DSCAM: variants seen among roughly 807,000 people sequenced by gnomAD.
DSCAM encodes the protein DS cell adhesion molecule, also known as cell adhesion molecule DSCAM.
Under a neutral mutation model 217.7 loss-of-function variants are expected in DSCAM, and 47 were observed. The observed-to-expected ratio is 0.22, with a 90% CI of 0.17 to 0.28. The LOEUF is 0.28. DSCAM is among the 10% of genes least tolerant of loss of function. DSCAM has a pLI of 1.00. For synonymous variants in DSCAM, 1,056 were observed against 1,015.3 expected, an observed-to-expected ratio of 1.04 and a Z score of -0.76; for missense variants, 2,080 against 2,618.3, an observed-to-expected ratio of 0.79 and a Z score of 4.49.
chr21:40,464,444 C>T (rs543785890), intron 3 of DSCAM, among the ~76,000 whole-genome samples: 5 of 152,244 alleles, frequency 3.3e-5, no homozygotes, highest in African/African-American at 1.2e-4. Flanking sequence ...GTAAGGTTCC[C>T]AAAGCTGAGC....
intron 11 of DSCAM, among the ~76,000 whole-genome samples, chr21:40,248,570 G>T (rs1263289203): frequency 6.6e-6 from 1 of 152,170 alleles, no homozygotes. Flanking sequence ...GACCACCTCA[G>T]CCTGACGTTA....
chr21:40,656,779 G>A (rs576793555), intron 3 of DSCAM, among the ~76,000 whole-genome samples: 25 of 152,292 alleles, frequency 1.6e-4, no homozygotes, highest in African/African-American at 5.1e-4. Context: ...GGCCAATGGC[G>A]AGGAAAGCAA....
At chr21:40,375,838 T>A (rs1601596574) in intron 3 of DSCAM, among the ~76,000 whole-genome samples, 3 of 152,320 alleles carry the variant, frequency 2.0e-5, no homozygotes, top group Admixed American at 6.5e-5. Flanking sequence ...CTAAAGTACC[T>A]TTTTTTAGAT....
chr21:40,438,643 C>G (rs2075604468), intron 3 of DSCAM, among the ~76,000 whole-genome samples: 2 of 152,134 alleles, frequency 1.3e-5, no homozygotes, highest in South Asian at 4.1e-4. Context: ...TAAAAGCTAC[C>G]ATGTTGGCCC....
intron 3 of DSCAM, among the ~76,000 whole-genome samples, chr21:40,467,458 C>T (rs993232863): frequency 2.6e-5 from 4 of 152,246 alleles, no homozygotes; most frequent in African/African-American, 9.6e-5. Context: ...AATAAGTGTT[C>T]TGTTTTCAGG....
intron 3 of DSCAM, among the ~76,000 whole-genome samples, chr21:40,451,086 A>G (rs909664237): frequency 9.9e-5 from 15 of 152,158 alleles, no homozygotes; most frequent in African/African-American, 2.7e-4. Context: ...AGGAAGGCCA[A>G]AGATTTCCGA....
intron 1 of DSCAM, among the ~76,000 whole-genome samples, chr21:40,729,006 G>A (rs372729135): frequency 5.9e-5 from 9 of 152,170 alleles, no homozygotes; most frequent in Admixed American, 1.3e-4. Flanking sequence ...CGCTAGCCCC[G>A]TGTCTGCCAA....
intron 5 of DSCAM, among the ~76,000 whole-genome samples, chr21:40,350,905 T>TTTTTTG (rs61391000): frequency 2.8e-5 from 4 of 142,884 alleles, no homozygotes; most frequent in Middle Eastern, 3.3e-3. Flanking sequence ...TTTTTTTTTT[T>TTTTTTG]AGAATTGGGG....
chr21:40,745,653 T>C (rs2091166857), intron 1 of DSCAM, among the ~76,000 whole-genome samples: 3 of 152,276 alleles, frequency 2.0e-5, no homozygotes, highest in South Asian at 2.1e-4. Context: ...CAAGAAATGC[T>C]GACAAGAGTT....
At chr21:40,695,295 T>C (rs1384969975) in intron 2 of DSCAM, among the ~76,000 whole-genome samples, 1 of 151,972 alleles carries the variant, frequency 6.6e-6, no homozygotes, top group Non-Finnish European at 1.5e-5. Flanking sequence ...ACAGGAGCCA[T>C]AAAAATATGG....
intron 15 of DSCAM, among the ~76,000 whole-genome samples, chr21:40,175,784 C>CACACACACAA (rs1555886078): frequency 1.0e-5 from 1 of 97,058 alleles, no homozygotes; most frequent in Non-Finnish European, 2.1e-5. Flanking sequence ...CACACATACA[C>CACACACACAA]ACACACACAC....
chr21:40,344,232 A>G (rs556799967), intron 6 of DSCAM, among the ~76,000 whole-genome samples: 1 of 152,296 alleles, frequency 6.6e-6, no homozygotes, highest in East Asian at 1.9e-4. Flanking sequence ...ATAATCATCA[A>G]TTGTTTAAAG....
chr21:40,617,298 G>T (rs2089414645), intron 3 of DSCAM, among the ~76,000 whole-genome samples: 1 of 151,496 alleles, frequency 6.6e-6, no homozygotes, highest in African/African-American at 2.4e-5. Flanking sequence ...TAATTTTTTT[G>T]TATTTTTAGT....
At chr21:40,328,652 A>T (rs181769517) in intron 8 of DSCAM, among the ~76,000 whole-genome samples, 1 of 152,204 alleles carries the variant, frequency 6.6e-6, no homozygotes, top group Non-Finnish European at 1.5e-5. Context: ...CAAACTAAAA[A>T]AACTTCTGCA....
intron 6 of DSCAM, among the ~76,000 whole-genome samples, chr21:40,339,821 T>TTTATCTGTTAAGTTGG (rs2074472090): frequency 2.6e-5 from 1 of 37,810 alleles, no homozygotes; most frequent in Non-Finnish European, 8.0e-5. Context: ...GCAAAAGTGA[T>TTTATCTGTTAAGTTGG]TGCAAAAAGT....
At chr21:40,208,514 A>T (rs2091149380) in intron 11 of DSCAM, among the ~76,000 whole-genome samples, 1 of 152,232 alleles carries the variant, frequency 6.6e-6, no homozygotes, top group African/African-American at 2.4e-5. Context: ...TCGGTTGAGC[A>T]TGGAGAATGG....
At chr21:40,292,184 A>AATT (rs1258711253) in intron 10 of DSCAM, among the ~76,000 whole-genome samples, 1 of 106,042 alleles carries the variant, frequency 9.4e-6, no homozygotes, top group Non-Finnish European at 1.9e-5. Flanking sequence ...AAATGTAATG[A>AATT]CTTTTTTTTT....
intron 3 of DSCAM, among the ~76,000 whole-genome samples, chr21:40,460,627 ACCACCC>A (rs2075798610): frequency 6.6e-6 from 1 of 152,210 alleles, no homozygotes; most frequent in Non-Finnish European, 1.5e-5. Flanking sequence ...AAAAAAATCA[ACCACCC>A]AAAAACATGA....
At chr21:40,349,752 C>T (rs975290180) in intron 5 of DSCAM, among the ~76,000 whole-genome samples, 1 of 152,126 alleles carries the variant, frequency 6.6e-6, no homozygotes. Context: ...GAAAGACCTA[C>T]AGTTACAGAT....
Sources: allele counts gnomAD v4.1 joint callset (sites outside exome capture counted in the v4.1 genomes callset), GRCh38; gene constraint gnomAD v4.1.1; transcripts MANE v1.5; gene names NCBI Gene and HGNC (gene_info 2026-07-23, HGNC 2026-07-21).